The following MBD5 variants were observed in gnomAD, a reference collection of about 807,000 sequenced individuals.
MBD5 encodes the protein methyl-CpG binding domain protein 5.
MBD5 carries 13 observed loss-of-function variants against 117.3 expected under a neutral mutation model. The ratio of observed to expected loss-of-function variants is 0.11; its 90% CI spans 0.07 to 0.18. The LOEUF is 0.18. Ranked by LOEUF, MBD5 falls within the 10% of genes least tolerant of loss-of-function variation. The pLI, the probability that MBD5 is intolerant of heterozygous loss-of-function variation, is 1.00. For missense variants in MBD5, 1,879 were observed against 2,093.8 expected (o/e 0.90, Z 2.00); for synonymous variants, 727 against 766.4 (o/e 0.95, Z 0.85).
At chr2:148,275,329 A>G (rs1357918162) in intron 3 of MBD5, among the ~76,000 whole-genome samples, 1 of 151,922 alleles carries the variant, frequency 6.6e-6, no homozygotes, top group Non-Finnish European at 1.5e-5. Context: ...CATTTTTATT[A>G]TTGGACTCCT....
intron 3 of MBD5, among the ~76,000 whole-genome samples, chr2:148,325,309 G>C (rs577082308): frequency 2.6e-5 from 4 of 152,122 alleles, no homozygotes; most frequent in African/African-American, 9.6e-5. Flanking sequence ...TTTTGGTTGT[G>C]TCTCTGCCAG....
At chr2:148,135,242 G>A (rs1425603451) in intron 1 of MBD5, among the ~76,000 whole-genome samples, 1 of 152,104 alleles carries the variant, frequency 6.6e-6, no homozygotes, top group East Asian at 1.9e-4. Context: ...AACCTACCTG[G>A]ACTTTAATGA....
At position 148,021,168 on chromosome 2, in the gene MBD5, C is replaced by G. The variant is rs1693696774; in HGVS notation, c.-1441C>G. 1 of 155,766 alleles carries G rather than the reference C, an allele frequency of 6.4e-6. No individual in the cohort carries two copies. Among genetic ancestry groups the G allele is most frequent in the African/African-American group, 2.4e-5 (1 of 40,984 alleles). 9.6% of individuals were successfully genotyped at this position (155,766 alleles called of 1,614,324 possible). A position where few individuals can be genotyped will look rare whatever the true frequency, so the allele number is the denominator to read the frequency against. On this transcript the variant is annotated 5_prime_UTR_variant, in exon 1 of 14. Coordinates refer to ENST00000642680, the MANE Select transcript of MBD5 (RefSeq NM_001378120.1). ...GGCAGAGGGGGGGCACCTTTTATTT[C>G]TATTTTTAAAGGGACAGGACACTAA...
chr2:148,117,189 G>C (rs866849079), intron 1 of MBD5, among the ~76,000 whole-genome samples: 1 of 151,860 alleles, frequency 6.6e-6, no homozygotes, highest in Non-Finnish European at 1.5e-5. Flanking sequence ...AAGAGAAGCT[G>C]AAAAAAGGCA....
In MBD5 at chr2:148,476,868, T is replaced by C. The variant is rs567592831; in HGVS notation, c.2519-6242T>C. ...TGAGATAAGACTTCCAATTGGAATA[T>C]TGATGAAGTGTTTTAACTGTTAGGT... On this transcript the variant is annotated intron_variant, in intron 8 of 13. Coordinates refer to ENST00000642680, the MANE Select transcript of MBD5 (RefSeq NM_001378120.1). Among the ~76,000 whole-genome samples the C allele has an allele frequency of 2.3e-4, 35 of 152,278 alleles. 1 individual carries two copies. The highest frequency in any genetic ancestry group is 6.8e-3 in the Middle Eastern group (2 of 294).
At chr2:148,228,365 T>G (rs1699891732) in intron 2 of MBD5, among the ~76,000 whole-genome samples, 1 of 152,220 alleles carries the variant, frequency 6.6e-6, no homozygotes, top group Non-Finnish European at 1.5e-5. Flanking sequence ...TCTATTGAGA[T>G]AATCATGTGG....
rs572544504 is a variant in MBD5, at chr2:148,107,211, G to A, written c.-924-71489G>A. On this transcript the variant is annotated intron_variant, in intron 1 of 13. Coordinates refer to ENST00000642680, the MANE Select transcript of MBD5 (RefSeq NM_001378120.1). ...GCTGTGAATGAACTTCTTTTAGTGT[G>A]TTGAAGATATTATTTTAGTGTCTTC... is the stretch of plus-strand genomic sequence containing the variant. 7.9e-5 allele frequency among the ~76,000 whole-genome samples: 12 copies of A among 152,122 alleles called. No individual in the cohort carries two copies. The East Asian group carries it at 9.7e-4, about 12-fold the overall frequency.
chr2:148,318,916 G>C (rs1702220994), intron 3 of MBD5, among the ~76,000 whole-genome samples: 1 of 152,038 alleles, frequency 6.6e-6, no homozygotes, highest in Non-Finnish European at 1.5e-5. Context: ...GGGTTTCACT[G>C]TGTTGGCCAG....
In MBD5 at chr2:148,345,450, TAC is replaced by T. The variant is rs768232895; in HGVS notation, c.-557+3118_-557+3119del. Among the ~76,000 whole-genome samples the T allele has an allele frequency of 5.8e-4, 44 of 75,892 alleles. 1 individual carries two copies. Among genetic ancestry groups the T allele is most frequent in the South Asian group, 3.7e-3 (10 of 2,698 alleles). The allele number at this position is 75,892 out of a possible 152,430, so 49.8% of individuals were successfully genotyped here. On this transcript the variant is annotated intron_variant, in intron 4 of 13. Coordinates refer to ENST00000642680, the MANE Select transcript of MBD5 (RefSeq NM_001378120.1). ...ACACATATACATATGTATATACACA[TAC>T]ACATATACATATGTATATACACATA... is the stretch of plus-strand genomic sequence containing the variant.
At chr2:148,509,969 G>T in intron 12 of MBD5, 91 bp from the exon 13 acceptor site, 16 of 1,009,314 alleles carry the variant, frequency 1.6e-5, no homozygotes, top group Non-Finnish European at 2.5e-5. Context: ...TTCTCTCGTG[G>T]AATTGGTACT....
At chr2:148,410,631 A>T (rs770791620) in intron 4 of MBD5, among the ~76,000 whole-genome samples, 3 of 151,808 alleles carry the variant, frequency 2.0e-5, no homozygotes, top group Non-Finnish European at 4.4e-5. Context: ...GACTTTTTCC[A>T]CTTTGCCCAG....
At chr2:148,090,211 A>G (rs997290208) in intron 1 of MBD5, among the ~76,000 whole-genome samples, 2 of 152,094 alleles carry the variant, frequency 1.3e-5, no homozygotes, top group Admixed American at 6.5e-5. Flanking sequence ...GGCAACAACA[A>G]CAAAAAAGTC....
At chr2:148,099,656 A>G (rs968740539) in intron 1 of MBD5, among the ~76,000 whole-genome samples, 1 of 152,168 alleles carries the variant, frequency 6.6e-6, no homozygotes, top group Non-Finnish European at 1.5e-5. Context: ...CTAGAACCCA[A>G]ATCAGAATGT....
chr2:148,035,444 A>G (rs950553307), intron 1 of MBD5, among the ~76,000 whole-genome samples: 2 of 152,082 alleles, frequency 1.3e-5, no homozygotes, highest in African/African-American at 4.8e-5. Flanking sequence ...CATTTTTCTG[A>G]GGACTGATAT....
In MBD5 at chr2:148,483,291, T is replaced by C. The variant is rs749854176; in HGVS notation, c.2700T>C (p.Phe900=). The change falls in exon 9 of 14, where the codon TTT becomes TTC. Residue 900 remains phenylalanine, a synonymous_variant. Transcript: ENST00000642680. ...PFVGQEHALH[F]PSNSTSNNHL... ...TTGGCCAGGAGCACGCACTTCATTT[T>C]CCATCCAACAGCACTTCAAACAACC... The C allele has an allele frequency of 6.2e-7, 1 of 1,614,116 alleles. No homozygotes were observed. The highest frequency in any genetic ancestry group is 1.7e-5 in the Admixed American group (1 of 59,998).
At position 148,021,564 on chromosome 2, in the gene MBD5, C is replaced by G; in HGVS notation, c.-1045C>G. The G allele has an allele frequency of 1.8e-6, 1 of 540,634 alleles. No homozygotes were observed. The highest frequency in any genetic ancestry group is 3.6e-6 in the Non-Finnish European group (1 of 280,176). 33.5% of individuals were successfully genotyped at this position (540,634 alleles called of 1,614,324 possible). On this transcript the variant is annotated 5_prime_UTR_variant, in exon 1 of 14. Coordinates refer to ENST00000642680, the MANE Select transcript of MBD5 (RefSeq NM_001378120.1). ...GACATCTCACTACACCCAGGAGCAG[C>G]CACTTCCCCAGCTCTCCTCCTCCTC... is the stretch of plus-strand genomic sequence containing the variant.
rs547057346 is a variant in MBD5 at position 148,289,229 on chromosome 2, T to C, written c.-679-52985T>C. Among the ~76,000 whole-genome samples the C allele has an allele frequency of 7.9e-5, 12 of 152,330 alleles. No individual in the cohort carries two copies. The South Asian group carries it at 2.5e-3, about 32-fold the overall frequency. On this transcript the variant is annotated intron_variant, in intron 3 of 13. Transcript: ENST00000642680. ...ATTAACTTTACTCCTATTTAATGTATAGTACATTTATCTCATAAAACTATG... is the reference window on the plus strand; with the variant it reads ...ATTAACTTTACTCCTATTTAATGTACAGTACATTTATCTCATAAAACTATG...
chr2:148,513,240 T>C lies in MBD5; in HGVS notation c.*299T>C, dbSNP rs561324330. On this transcript the variant is annotated 3_prime_UTR_variant, in exon 14 of 14. Transcript: ENST00000642680. ...GATTATAAGAAATAGTCCAAATGTT[T>C]CTGAAGAATTTTCAATGTTGTATAT... The C allele has an allele frequency of 6.0e-4, 216 of 361,572 alleles. 4 individuals carry two copies. The South Asian group carries it at 7.0e-3, about 12-fold the overall frequency. 22.4% of individuals were successfully genotyped at this position (361,572 alleles called of 1,614,324 possible).
intron 4 of MBD5, among the ~76,000 whole-genome samples, chr2:148,388,111 G>A (rs1355747980): frequency 2.6e-5 from 4 of 152,282 alleles, no homozygotes; most frequent in Non-Finnish European, 5.9e-5. Context: ...GTTATTGGTG[G>A]AGAAGAAGAC....
Sources: gnomAD v4.1 joint callset for allele counts (sites outside exome capture counted in the v4.1 genomes callset) on GRCh38, gnomAD v4.1.1 for gene constraint, MANE v1.5 for transcripts, NCBI Gene and HGNC (gene_info 2026-07-23, HGNC 2026-07-21) for gene names.